MAPKBP1: variants seen among roughly 807,000 people sequenced by gnomAD.
MAPKBP1 encodes mitogen-activated protein kinase binding protein 1.
Under a neutral mutation model 170.5 loss-of-function variants are expected in MAPKBP1, and 71 were observed. That is an observed-to-expected ratio of 0.42 (90% confidence interval 0.34 to 0.51). The LOEUF (loss-of-function observed/expected upper bound fraction) is 0.51. MAPKBP1 is among the 20% of genes least tolerant of loss of function. The probability of loss-of-function intolerance (pLI) is 0.06; values close to 1 mark genes in which losing one functional copy is unlikely to be tolerated. For synonymous variants in MAPKBP1, 719 were observed against 757.9 expected (o/e 0.95, Z 0.84); for missense variants, 1,598 against 1,933.0 (o/e 0.83, Z 3.25).
At chr15:41,810,573 A>G (rs2064785860) in intron 3 of MAPKBP1, 1 of 322,320 alleles carries the variant, frequency 3.1e-6, no homozygotes, top group East Asian at 5.5e-5. Context: ...TACAAAGATT[A>G]GCTTGCATGG....
chr15:41,790,158 C>T (rs117582379), intron 2 of MAPKBP1, among the ~76,000 whole-genome samples: 1,753 of 152,312 alleles, frequency 0.012, 16 homozygotes, highest in Middle Eastern at 0.041. Context: ...TGTAGATCCT[C>T]TCTCTGCCCC....
intron 3 of MAPKBP1, 150 bp from the exon 4 acceptor site, chr15:41,810,733 A>G (rs1375723496): frequency 2.3e-5 from 14 of 610,954 alleles, no homozygotes; most frequent in Admixed American, 1.8e-4. Context: ...AAAAAAAAAA[A>G]AAAAAAGAAA....
At chr15:41,806,054 A>G (rs1273519989) in intron 3 of MAPKBP1, among the ~76,000 whole-genome samples, 1 of 152,182 alleles carries the variant, frequency 6.6e-6, no homozygotes, top group African/African-American at 2.4e-5. Flanking sequence ...ACTTGAAGAC[A>G]TATTCACTTG....
At chr15:41,776,520 C>T (rs192940627) in intron 2 of MAPKBP1, among the ~76,000 whole-genome samples, 8 of 152,262 alleles carry the variant, frequency 5.3e-5, no homozygotes, top group Admixed American at 1.3e-4. Flanking sequence ...ACATTGTGAC[C>T]CTTCCAAGGT....
chr15:41,797,887 G>A (rs1026458652), intron 2 of MAPKBP1, among the ~76,000 whole-genome samples: 3 of 152,046 alleles, frequency 2.0e-5, no homozygotes, highest in Admixed American at 6.6e-5. Context: ...GACTTATTTT[G>A]GTCTTCGGCC....
intron 2 of MAPKBP1, among the ~76,000 whole-genome samples, chr15:41,789,301 AAACT>A (rs1200028080): frequency 1.3e-5 from 2 of 152,124 alleles, no homozygotes; most frequent in East Asian, 3.9e-4. Context: ...GGAAAAAAAA[AAACT>A]ACAACTCCAC....
chr15:41,824,018 C>G lies in MAPKBP1; in HGVS notation c.4170C>G (p.Pro1390=). The G allele has an allele frequency of 6.2e-7, 1 of 1,611,002 alleles. No homozygotes were observed. Among genetic ancestry groups the G allele is most frequent in the Non-Finnish European group, 8.5e-7 (1 of 1,179,930 alleles). The part of the protein sequence containing the change: ...QPPPPEKTPN[P]MECTKPGAAL... ...CACCCCCTGAGAAGACTCCCAACCC[C>G]ATGGAATGCACCAAGCCAGGGGCAG... Residue 1390 remains proline, a synonymous_variant, in exon 29 of 31, where the codon CCC becomes CCG. Transcript: ENST00000457542.
At chr15:41,790,513 C>G (rs1161836742) in intron 2 of MAPKBP1, among the ~76,000 whole-genome samples, 1 of 152,200 alleles carries the variant, frequency 6.6e-6, no homozygotes. Flanking sequence ...TGGCTAGCGG[C>G]TTTGTCAGGT....
intron 2 of MAPKBP1, among the ~76,000 whole-genome samples, chr15:41,796,159 C>T (rs1005980032): frequency 5.9e-4 from 89 of 152,130 alleles, no homozygotes; most frequent in African/African-American, 2.0e-3. Flanking sequence ...GATTTCAGGG[C>T]CACTCGTTTG....
intron 13 of MAPKBP1, 85 bp downstream of exon 13, chr15:41,816,735 C>A: frequency 1.4e-6 from 2 of 1,467,808 alleles, no homozygotes; most frequent in South Asian, 1.1e-5. Flanking sequence ...GACGTGGGGT[C>A]GGTAATCTTT....
rs1313985673 is a variant in MAPKBP1, at chr15:41,818,989, G to C, written c.2291+32G>C. 2 of 1,608,998 alleles carry C rather than the reference G, an allele frequency of 1.2e-6. No homozygotes were observed. Among genetic ancestry groups the C allele is most frequent in the Non-Finnish European group, 1.7e-6 (2 of 1,176,404 alleles). ...ACAGAATGTGGGCAAGTGATGGGTGGGTGTGCAGATGGCTTGCTGGGACCT... is the reference window on the plus strand; with the variant it reads ...ACAGAATGTGGGCAAGTGATGGGTGCGTGTGCAGATGGCTTGCTGGGACCT... On this transcript the variant is annotated intron_variant, in intron 20 of 30. Transcript: ENST00000457542. This position sits in a 1 kb window ranked among gnomAD's most constrained non-coding sequence, Gnocchi z 5.2.
rs1193947840 is a variant in MAPKBP1, at chr15:41,823,236, TG to T, written c.3598+17del. The T allele has an allele frequency of 6.2e-7, 1 of 1,610,162 alleles. No individual in the cohort carries two copies. The highest frequency in any genetic ancestry group is 2.2e-5 in the East Asian group (1 of 44,832). On this transcript the variant is annotated intron_variant, in intron 28 of 30. Transcript: ENST00000457542. The stretch of plus-strand genomic sequence containing the variant: ...TGGTGCCACAGGGTGAGAAGCCTGA[TG>T]GGTTCAGTGCCAGGGTGCAGGGTGT...
At position 41,780,382 on chromosome 15, in the gene MAPKBP1, T is replaced by C. The variant is rs915851373; in HGVS notation, c.114+4993T>C. On this transcript the variant is annotated intron_variant, in intron 2 of 30. Transcript: ENST00000457542. The stretch of plus-strand genomic sequence containing the variant: ...AAGTTGGGCTTGATGCTGTTATCAC[T>C]GACCCTTTGTTTGGAGAAAACAGTC... 2.0e-5 allele frequency among the ~76,000 whole-genome samples: 3 copies of C among 152,232 alleles called. No individual in the cohort carries two copies. In the East Asian group the frequency reaches 5.8e-4, roughly 29 times the overall value.
chr15:41,790,105 A>G (rs986267382), intron 2 of MAPKBP1, among the ~76,000 whole-genome samples: 15 of 152,360 alleles, frequency 9.8e-5, no homozygotes, highest in Admixed American at 8.5e-4. Flanking sequence ...TGAAGTGGTT[A>G]GAACAGTTAT....
chr15:41,811,046 G>C (rs2064795891), intron 4 of MAPKBP1, 101 bp downstream of exon 4: 2 of 1,546,962 alleles, frequency 1.3e-6, no homozygotes, highest in East Asian at 2.2e-5. Context: ...ACCTGGTTGG[G>C]TCCTAAAGCC....
intron 3 of MAPKBP1, among the ~76,000 whole-genome samples, chr15:41,808,112 T>C (rs1316529127): frequency 1.4e-5 from 2 of 146,496 alleles, no homozygotes; most frequent in African/African-American, 2.5e-5. Flanking sequence ...TTTCTTTTTT[T>C]TTTTTTTTTT....
intron 1 of MAPKBP1, chr15:41,774,877 ACAGTTGGG>A (rs1411705987): frequency 2.3e-6 from 1 of 430,768 alleles, no homozygotes; most frequent in African/African-American, 2.0e-5. Context: ...TGCCATGGGA[ACAGTTGGG>A]CATTAACGGG....
chr15:41,787,790 T>C (rs988907823), intron 2 of MAPKBP1, among the ~76,000 whole-genome samples: 2 of 152,208 alleles, frequency 1.3e-5, no homozygotes, highest in African/African-American at 2.4e-5. Flanking sequence ...GATTATGTTA[T>C]TCAGGCCTTC....
chr15:41,786,763 T>A (rs1292268778), intron 2 of MAPKBP1, among the ~76,000 whole-genome samples: 2 of 30,600 alleles, frequency 6.5e-5, no homozygotes, highest in Non-Finnish European at 1.1e-4. Flanking sequence ...AGACTCCGTC[T>A]AAAAAAAAAA....
Sources: allele counts gnomAD v4.1 joint callset (sites outside exome capture counted in the v4.1 genomes callset), GRCh38; gene constraint gnomAD v4.1.1; non-coding constraint Gnocchi (gnomAD v3.1); transcripts MANE v1.5; gene names NCBI Gene and HGNC (gene_info 2026-07-23, HGNC 2026-07-21).